The following PSD3 variants were observed in gnomAD, a reference collection of about 807,000 sequenced individuals.
PSD3 encodes pleckstrin and Sec7 domain containing 3.
A neutral mutation model predicts 105.5 loss-of-function variants in PSD3; 49 were observed. The ratio of observed to expected loss-of-function variants is 0.46; its 90% CI spans 0.37 to 0.59. The LOEUF is 0.59. Ranked by LOEUF, PSD3 falls within the 20% of genes least tolerant of loss-of-function variation. The pLI is 0.00. For missense variants in PSD3, 1,561 were observed against 1,263.8 expected (o/e 1.24, Z -3.57); for synonymous variants, 557 against 457.8 (o/e 1.22, Z -2.77).
At chr8:18,635,508 T>C (rs1807187773) in intron 10 of PSD3, among the ~76,000 whole-genome samples, 1 of 152,138 alleles carries the variant, frequency 6.6e-6, no homozygotes, top group Non-Finnish European at 1.5e-5. Context: ...TTTTCAGTGT[T>C]AGAGTATCCT....
intron 10 of PSD3, among the ~76,000 whole-genome samples, chr8:18,654,667 CAA>C: frequency 6.6e-6 from 1 of 152,280 alleles, no homozygotes; most frequent in South Asian, 2.1e-4. Context: ...ATGTCACTGT[CAA>C]AGAGAGTCAG....
intron 2 of PSD3, among the ~76,000 whole-genome samples, chr8:18,882,660 T>C (rs1482892243): frequency 1.3e-5 from 2 of 152,184 alleles, no homozygotes; most frequent in African/African-American, 4.8e-5. Flanking sequence ...TAACACTGTG[T>C]TGTCCAATTT....
intron 4 of PSD3, among the ~76,000 whole-genome samples, chr8:18,817,525 C>T (rs544695961): frequency 3.9e-5 from 6 of 152,288 alleles, no homozygotes; most frequent in African/African-American, 7.2e-5. Flanking sequence ...CTTTAACATA[C>T]GCTCAGTACA....
chr8:18,578,750 T>G (rs1802618344), intron 12 of PSD3, among the ~76,000 whole-genome samples: 1 of 151,990 alleles, frequency 6.6e-6, no homozygotes, highest in Non-Finnish European at 1.5e-5. Flanking sequence ...AAAAAAAATT[T>G]AATGCTACAT....
chr8:18,575,148 C>T lies in PSD3; in HGVS notation c.2619G>A (p.Arg873=). Residue 873 remains arginine (R), a synonymous_variant, in exon 13 of 16, where the codon AGG becomes AGA. Coordinates refer to ENST00000327040, the MANE Select transcript of PSD3 (RefSeq NM_015310.4). The stretch of plus-strand genomic sequence containing the variant: ...CATACTGAGTTTGAAAAAGCAAGAC[C>T]CTCCAGTCGGCAGTTTTAAGTTTAA... ...NVFKLKTADW[R]VLLFQTQSPE... 8 of 1,612,658 alleles carry T rather than the reference C, an allele frequency of 5.0e-6. No individual in the cohort carries two copies. Among genetic ancestry groups the T allele is most frequent in the Non-Finnish European group, 6.8e-6 (8 of 1,179,472 alleles).
rs1166945164 is a variant in PSD3, at chr8:18,529,067, GGAAT to G, written c.*6672_*6675del. The G allele has an allele frequency of 1.3e-5, 2 of 152,158 alleles. No individual in the cohort carries two copies. Among genetic ancestry groups the G allele is most frequent in the African/African-American group, 4.8e-5 (2 of 41,424 alleles). The allele number at this position is 152,158 out of a possible 1,614,324, so 9.4% of individuals were successfully genotyped here. On this transcript the variant is annotated 3_prime_UTR_variant, in exon 16 of 16. Transcript: ENST00000327040. ...TCTTCACTTGTACTCCTCTCTCAAA[GGAAT>G]GATCTGCAGAGCAAGCAGCTCTGCC... is the stretch of plus-strand genomic sequence containing the variant.
intron 9 of PSD3, among the ~76,000 whole-genome samples, chr8:18,697,802 T>C (rs985383738): frequency 4.6e-5 from 7 of 152,160 alleles, no homozygotes; most frequent in African/African-American, 1.7e-4. Context: ...GGCATCAACA[T>C]TTCGTCACTA....
intron 9 of PSD3, among the ~76,000 whole-genome samples, chr8:18,697,375 A>C (rs1438937677): frequency 6.6e-6 from 1 of 152,232 alleles, no homozygotes. Flanking sequence ...AGTACCTGAC[A>C]AGTGATAAGA....
chr8:19,050,404 C>T (rs557535963), intron 1 of PSD3, among the ~76,000 whole-genome samples: 8 of 152,288 alleles, frequency 5.3e-5, no homozygotes, highest in African/African-American at 1.7e-4. Flanking sequence ...TATTGCAGCA[C>T]TATTCACAAT....
intron 9 of PSD3, chr8:18,683,990 T>C: frequency 2.8e-6 from 2 of 722,748 alleles, no homozygotes; most frequent in Non-Finnish European, 2.5e-6. Context: ...TTCCAACCGT[T>C]CCAAGGCTCT....
intron 12 of PSD3, among the ~76,000 whole-genome samples, chr8:18,578,777 A>G (rs953114571): frequency 6.6e-6 from 1 of 152,072 alleles, no homozygotes; most frequent in African/African-American, 2.4e-5. Flanking sequence ...CAGACCCAGG[A>G]AAAAGCTAAC....
intron 8 of PSD3, among the ~76,000 whole-genome samples, chr8:18,783,356 T>C (rs1028150754): frequency 5.9e-5 from 9 of 152,210 alleles, no homozygotes; most frequent in Admixed American, 5.2e-4. Flanking sequence ...CTTTTACTCA[T>C]GGTCAGTCTA....
At chr8:18,619,562 G>A (rs1218665271) in intron 11 of PSD3, among the ~76,000 whole-genome samples, 1 of 151,760 alleles carries the variant, frequency 6.6e-6, no homozygotes, top group East Asian at 1.9e-4. Flanking sequence ...AGAACGGTTT[G>A]AACCCGGGAG....
chr8:18,677,987 GC>G (rs1800165278), intron 9 of PSD3, among the ~76,000 whole-genome samples: 2 of 143,184 alleles, frequency 1.4e-5, no homozygotes, highest in Admixed American at 7.1e-5. Context: ...TCCAGCCTGG[GC>G]AGCAGAGCGA....
intron 14 of PSD3, among the ~76,000 whole-genome samples, chr8:18,571,555 C>T (rs1802142875): frequency 6.6e-6 from 1 of 152,208 alleles, no homozygotes; most frequent in Non-Finnish European, 1.5e-5. Context: ...ACAATGACTT[C>T]CTTATTTATA....
At chr8:18,588,143 A>G (rs1453228557) in intron 12 of PSD3, among the ~76,000 whole-genome samples, 1 of 152,206 alleles carries the variant, frequency 6.6e-6, no homozygotes, top group African/African-American at 2.4e-5. Context: ...AGCAGCAGGC[A>G]GTATCCTATT....
At chr8:19,028,661 G>A (rs1455513581) in intron 1 of PSD3, among the ~76,000 whole-genome samples, 1 of 152,118 alleles carries the variant, frequency 6.6e-6, no homozygotes, top group Non-Finnish European at 1.5e-5. Context: ...TTTCTTGGGT[G>A]TCTTTGAAGA....
chr8:18,645,635 G>A (rs879943165), intron 10 of PSD3, among the ~76,000 whole-genome samples: 8 of 152,170 alleles, frequency 5.3e-5, no homozygotes, highest in Non-Finnish European at 1.0e-4. Context: ...TTTACCAAGA[G>A]TCCAGCGTGA....
chr8:18,862,013 G>A (rs1344467470), intron 4 of PSD3, among the ~76,000 whole-genome samples: 1 of 152,168 alleles, frequency 6.6e-6, no homozygotes, highest in African/African-American at 2.4e-5. Flanking sequence ...AAGCCCCGTA[G>A]TAAGGGTCCG....
Sources: gnomAD v4.1 joint callset for allele counts (sites outside exome capture counted in the v4.1 genomes callset) on GRCh38, gnomAD v4.1.1 for gene constraint, MANE v1.5 for transcripts, NCBI Gene and HGNC (gene_info 2026-07-23, HGNC 2026-07-21) for gene names.